Variants in RUBCNL observed in about 807,000 individuals in gnomAD.
RUBCNL encodes the protein protein associated with UVRAG as autophagy enhancer.
RUBCNL carries 62 observed loss-of-function variants against 69.5 expected under a neutral mutation model. The ratio of observed to expected loss-of-function variants is 0.89; its 90% CI spans 0.73 to 1.10. RUBCNL has a LOEUF of 1.10. RUBCNL is among the 50% of genes least tolerant of loss of function. RUBCNL has a pLI of 0.00. For missense variants in RUBCNL, 768 were observed against 798.1 expected (o/e 0.96, Z 0.45); for synonymous variants, 291 against 303.6 (o/e 0.96, Z 0.43).
intron 2 of RUBCNL, among the ~76,000 whole-genome samples, chr13:46,373,563 GCAC>G (rs2048925235): frequency 6.6e-6 from 1 of 152,208 alleles, no homozygotes; most frequent in African/African-American, 2.4e-5. Flanking sequence ...CAAACAAGAA[GCAC>G]TCTTGTCACT....
chr13:46,366,633 T>C (rs1038252064), intron 5 of RUBCNL, among the ~76,000 whole-genome samples: 1 of 152,172 alleles, frequency 6.6e-6, no homozygotes, highest in African/African-American at 2.4e-5. Context: ...CTATACACCA[T>C]ATGGAGTGAG....
At chr13:46,349,653 G>A (rs1594135596) in intron 11 of RUBCNL, among the ~76,000 whole-genome samples, 1 of 151,788 alleles carries the variant, frequency 6.6e-6, no homozygotes, top group East Asian at 1.9e-4. Flanking sequence ...TGCAGGAGAG[G>A]GGCTCCAAAG....
chr13:46,372,808 G>A (rs1319444224), intron 2 of RUBCNL, among the ~76,000 whole-genome samples: 1 of 152,072 alleles, frequency 6.6e-6, no homozygotes, highest in Non-Finnish European at 1.5e-5. Context: ...ATTGGGAGAG[G>A]AAACATTCTT....
chr13:46,375,679 G>T (rs1417619302), intron 2 of RUBCNL, among the ~76,000 whole-genome samples: 1 of 152,162 alleles, frequency 6.6e-6, no homozygotes, highest in East Asian at 1.9e-4. Flanking sequence ...TAAAAGTTCA[G>T]TAGACCAAAA....
chr13:46,378,036 T>C, intron 1 of RUBCNL, 31 bp from the exon 2 acceptor site: 1 of 1,172,210 alleles, frequency 8.5e-7, no homozygotes, highest in Admixed American at 2.5e-5. Context: ...TGCCAGATGC[T>C]ATGATACCAC....
chr13:46,345,388 G>T (rs1183956780), intron 13 of RUBCNL, 59 bp downstream of exon 13: 2 of 1,526,788 alleles, frequency 1.3e-6, no homozygotes, highest in Non-Finnish European at 8.8e-7. Context: ...GTCAAGTGCG[G>T]AACACCCAGC....
rs112052464 is a variant in RUBCNL at position 46,336,623 on chromosome 13, C to A, written c.*6762G>T. On this transcript the variant is annotated 3_prime_UTR_variant, in exon 15 of 15. Coordinates refer to ENST00000429979, the MANE Select transcript of RUBCNL (RefSeq NM_025113.5). Reference sequence around the variant, plus strand: ...TCTCTTTTGTTAAGAAGAATGCAAGCAACTGTGGTAGAGAGGTAGGTGAAG... The same window carrying A: ...TCTCTTTTGTTAAGAAGAATGCAAGAAACTGTGGTAGAGAGGTAGGTGAAG... Among the ~76,000 whole-genome samples, 296 of 152,048 alleles carry A rather than the reference C, an allele frequency of 1.9e-3. 2 individuals carry two copies. Among genetic ancestry groups the A allele is most frequent in the African/African-American group, 6.7e-3 (277 of 41,488 alleles).
intron 1 of RUBCNL, among the ~76,000 whole-genome samples, chr13:46,380,965 A>C (rs1010818552): frequency 2.6e-5 from 4 of 152,210 alleles, no homozygotes; most frequent in African/African-American, 9.7e-5. Context: ...ATTTACCCAA[A>C]GTAAAGGTAG....
chr13:46,364,779 C>T (rs1450445159), intron 5 of RUBCNL, among the ~76,000 whole-genome samples: 1 of 150,420 alleles, frequency 6.6e-6, no homozygotes, highest in Non-Finnish European at 1.5e-5. Context: ...ACATCTATTG[C>T]CACAAATGTC....
At chr13:46,349,745 C>T (rs895761429) in intron 11 of RUBCNL, among the ~76,000 whole-genome samples, 11 of 151,406 alleles carry the variant, frequency 7.3e-5, no homozygotes, top group African/African-American at 2.2e-4. Flanking sequence ...AGTGCAATCT[C>T]GGCTTGCTGC....
rs1448931793 is a variant in RUBCNL, at chr13:46,337,431, A to T, written c.*5954T>A. On this transcript the variant is annotated 3_prime_UTR_variant, in exon 15 of 15. Transcript: ENST00000429979. Reference sequence around the variant, plus strand: ...TCAACTTTGGGAGTGCTGGGATTACAAGTGTGAGCCACCGTGCCTGGTCCG... The same window carrying T: ...TCAACTTTGGGAGTGCTGGGATTACTAGTGTGAGCCACCGTGCCTGGTCCG... Among the ~76,000 whole-genome samples, 2 of 152,080 alleles carry T rather than the reference A, an allele frequency of 1.3e-5. No homozygotes were observed. The highest frequency in any genetic ancestry group is 2.9e-5 in the Non-Finnish European group (2 of 68,018).
chr13:46,367,118 C>T (rs527724281), intron 5 of RUBCNL, among the ~76,000 whole-genome samples: 12 of 152,330 alleles, frequency 7.9e-5, no homozygotes, highest in Middle Eastern at 3.4e-3. Flanking sequence ...CATGAGCTAT[C>T]GGCTTAGGCA....
At chr13:46,388,661 G>T (rs773050979), upstream of RUBCNL, among the ~76,000 whole-genome samples, 3 of 152,212 alleles carry the variant, frequency 2.0e-5, no homozygotes, top group African/African-American at 4.8e-5. Context: ...ATGACACGTA[G>T]GTGAACCGGT....
chr13:46,362,554 AG>A lies in RUBCNL; in HGVS notation c.969del (p.Cys324AlafsTer19), dbSNP rs780009639. ...GACAGATACCTCTTAGAGGAGCTGC[AG>A]GAACAGCTACAGGTTTCTGTGATAT... ...FNDITETCSC[S>X]CSSSKSVTYE... On this transcript the variant is annotated frameshift_variant, in exon 7 of 15. Coordinates refer to ENST00000429979, the MANE Select transcript of RUBCNL (RefSeq NM_025113.5). LOFTEE classifies it high-confidence loss of function. 9 of 1,609,032 alleles carry A rather than the reference AG, an allele frequency of 5.6e-6. No homozygotes were observed. The South Asian group carries it at 1.0e-4, about 18-fold the overall frequency.
Position 46,359,752 on chromosome 13 carries a change from T to TA in RUBCNL, c.1120-122dup, listed in dbSNP as rs2048570842. The TA allele has an allele frequency of 4.0e-6, 4 of 991,948 alleles. No individual in the cohort carries two copies. The South Asian group carries it at 5.6e-5, about 14-fold the overall frequency. 61.4% of individuals were successfully genotyped at this position (991,948 alleles called of 1,614,324 possible). A position where few individuals can be genotyped will look rare whatever the true frequency, so the allele number is the denominator to read the frequency against. On this transcript the variant is annotated intron_variant, in intron 8 of 14. Coordinates refer to ENST00000429979, the MANE Select transcript of RUBCNL (RefSeq NM_025113.5). ...TACCATGAAAAATTAACAGTGCTTT[T>TA]AACTGAACTAAAGGGCATACCAAGA... is the stretch of plus-strand genomic sequence containing the variant.
intron 2 of RUBCNL, among the ~76,000 whole-genome samples, chr13:46,373,561 A>C (rs938848482): frequency 1.3e-5 from 2 of 152,230 alleles, no homozygotes; most frequent in Non-Finnish European, 2.9e-5. Flanking sequence ...CACAAACAAG[A>C]AGCACTCTTG....
intron 10 of RUBCNL, among the ~76,000 whole-genome samples, chr13:46,353,252 G>A (rs2048410125): frequency 6.6e-6 from 1 of 152,008 alleles, no homozygotes; most frequent in South Asian, 2.1e-4. Flanking sequence ...TGATAGTTAT[G>A]TTCTCTAGAG....
At chr13:46,369,834 CAG>C (rs1419184224) in intron 3 of RUBCNL, among the ~76,000 whole-genome samples, 1 of 152,206 alleles carries the variant, frequency 6.6e-6, no homozygotes, top group Non-Finnish European at 1.5e-5. Context: ...GAGTTGCAAG[CAG>C]AGTCATTCAA....
intron 1 of RUBCNL, chr13:46,378,395 A>T (rs1479039059): frequency 6.5e-6 from 1 of 154,294 alleles, no homozygotes; most frequent in Non-Finnish European, 1.4e-5. Flanking sequence ...ACAAACAATA[A>T]AATCAATTTC....
Sources: gnomAD v4.1 joint callset for allele counts (sites outside exome capture counted in the v4.1 genomes callset) on GRCh38, gnomAD v4.1.1 for gene constraint, MANE v1.5 for transcripts, NCBI Gene and HGNC (gene_info 2026-07-23, HGNC 2026-07-21) for gene names.